PCDHA4: variants seen among roughly 807,000 people sequenced by gnomAD.
PCDHA4 encodes protocadherin alpha-4.
In PCDHA4, 49 loss-of-function variants were observed where a neutral mutation model predicts 61.4. That is an observed-to-expected ratio of 0.80 (90% confidence interval 0.63 to 1.01). The LOEUF (loss-of-function observed/expected upper bound fraction) is 1.01. Among genes scored for constraint, PCDHA4 ranks in the 50% least tolerant of loss-of-function variants. The pLI, the probability that PCDHA4 is intolerant of heterozygous loss-of-function variation, is 0.00. For synonymous variants in PCDHA4, 590 were observed against 550.3 expected (o/e 1.07, Z -1.01); for missense variants, 1,254 against 1,235.8 (o/e 1.01, Z -0.22).
intron 1 of PCDHA4, chr5:140,868,781 A>G (rs868977486): frequency 3.0e-5 from 9 of 299,116 alleles, no homozygotes; most frequent in African/African-American, 1.5e-4. Flanking sequence ...ATGACTTATA[A>G]TCTGAATATT....
At chr5:140,858,079 C>T in intron 1 of PCDHA4, 5 of 1,597,852 alleles carry the variant, frequency 3.1e-6, no homozygotes, top group Non-Finnish European at 4.3e-6. Context: ...CACCCAAGGC[C>T]TCGTCGCGGG....
At chr5:140,923,826 T>C (rs2081533545) in intron 1 of PCDHA4, among the ~76,000 whole-genome samples, 1 of 152,218 alleles carries the variant, frequency 6.6e-6, no homozygotes, top group African/African-American at 2.4e-5. Context: ...TAGACGTCAG[T>C]GGCAGTTTAA....
intron 3 of PCDHA4, among the ~76,000 whole-genome samples, chr5:141,007,567 CA>C (rs1489201842): frequency 6.6e-6 from 1 of 151,954 alleles, no homozygotes; most frequent in Non-Finnish European, 1.5e-5. Flanking sequence ...GGCTCTATCT[CA>C]AATTTAAAAA....
At chr5:141,000,430 T>A (rs1295455270) in intron 3 of PCDHA4, among the ~76,000 whole-genome samples, 2 of 126,420 alleles carry the variant, frequency 1.6e-5, no homozygotes, top group African/African-American at 6.1e-5. Context: ...TATTTTTTTT[T>A]TTTTTTTTTT....
chr5:140,917,327 G>C (rs1219338384), intron 1 of PCDHA4, among the ~76,000 whole-genome samples: 1 of 149,420 alleles, frequency 6.7e-6, no homozygotes, highest in African/African-American at 2.5e-5. Flanking sequence ...CATGTGGCGG[G>C]GGAGGGGGGG....
intron 1 of PCDHA4, chr5:140,817,742 C>T (rs2150098917): frequency 5.3e-5 from 8 of 152,172 alleles, no homozygotes; most frequent in Non-Finnish European, 7.3e-5. Context: ...TTTCTGGGAT[C>T]ATTTTCCTTC....
chr5:140,857,337 G>T, intron 1 of PCDHA4: 1 of 1,598,496 alleles, frequency 6.3e-7, no homozygotes, highest in South Asian at 1.1e-5. Context: ...CGGGACGGGG[G>T]CTCGCCTCCG....
intron 1 of PCDHA4, among the ~76,000 whole-genome samples, chr5:140,943,548 G>A (rs1280986902): frequency 6.6e-6 from 1 of 152,152 alleles, no homozygotes; most frequent in African/African-American, 2.4e-5. Context: ...GTAAATAGAC[G>A]TAGACAATAA....
At chr5:140,914,962 T>C (rs1301307235) in intron 1 of PCDHA4, among the ~76,000 whole-genome samples, 2 of 136,964 alleles carry the variant, frequency 1.5e-5, no homozygotes, top group Non-Finnish European at 3.2e-5. Flanking sequence ...TTTTTTTTTT[T>C]CTGAGTCAGA....
chr5:140,999,403 A>G (rs1325467300), intron 3 of PCDHA4, among the ~76,000 whole-genome samples: 7 of 152,176 alleles, frequency 4.6e-5, no homozygotes, highest in African/African-American at 1.7e-4. Context: ...TTTGCATATG[A>G]AAGAATGGGA....
intron 1 of PCDHA4, chr5:140,851,516 T>A: frequency 1.1e-6 from 1 of 906,322 alleles, no homozygotes; most frequent in African/African-American, 1.8e-5. Context: ...AAATATGTTT[T>A]AAAATGCCTG....
rs782154101 is a variant in PCDHA4, at chr5:140,809,372, G to C, written c.2185G>C (p.Glu729Gln). The change falls in exon 1 of 4, where the codon GAG becomes CAG. Residue 729 changes from glutamate (E) to glutamine (Q), a missense_variant. Coordinates refer to ENST00000530339, the MANE Select transcript of PCDHA4 (RefSeq NM_018907.4). ...GCTGCGGTGCTCTGCGCTGCCCACCGAGGGCGCGTGCGCTCCGGGCAAGCC... is the reference window on the plus strand; with the variant it reads ...GCTGCGGTGCTCTGCGCTGCCCACCCAGGGCGCGTGCGCTCCGGGCAAGCC... The part of the protein sequence containing the change: ...TALRCSALPT[E>Q]GACAPGKPTL... 5.0e-6 allele frequency: 8 copies of C among 1,614,010 alleles called. No individual in the cohort carries two copies. The East Asian group carries it at 6.7e-5, about 13-fold the overall frequency.
intron 1 of PCDHA4, chr5:140,829,756 G>T (rs1251312679): frequency 1.9e-5 from 31 of 1,613,620 alleles, no homozygotes; most frequent in Non-Finnish European, 2.5e-5. Context: ...AGGTGTTCGT[G>T]CTGGACGAGA....
intron 1 of PCDHA4, among the ~76,000 whole-genome samples, chr5:140,904,286 T>A (rs2071021710): frequency 6.6e-6 from 1 of 152,150 alleles, no homozygotes; most frequent in South Asian, 2.1e-4. Context: ...ATGTGGTGTT[T>A]GGTTTTCCAT....
chr5:140,949,892 C>G (rs2094430270), intron 1 of PCDHA4, among the ~76,000 whole-genome samples: 1 of 151,674 alleles, frequency 6.6e-6, no homozygotes, highest in African/African-American at 2.4e-5. Context: ...TCCTCAGAAT[C>G]TCTTTTAATT....
At chr5:140,954,947 T>G (rs2153704420) in intron 1 of PCDHA4, among the ~76,000 whole-genome samples, 1 of 152,360 alleles carries the variant, frequency 6.6e-6, no homozygotes, top group South Asian at 2.1e-4. Flanking sequence ...AGTTAATTTT[T>G]GTATAAGATG....
chr5:140,848,542 T>G (rs2150412544), intron 1 of PCDHA4: 1 of 1,595,366 alleles, frequency 6.3e-7, no homozygotes, highest in Non-Finnish European at 8.6e-7. Context: ...CCTCTACTGC[T>G]CTCGCTTCTG....
intron 1 of PCDHA4, among the ~76,000 whole-genome samples, chr5:140,909,201 C>G (rs1379290108): frequency 6.6e-6 from 1 of 152,136 alleles, no homozygotes; most frequent in Non-Finnish European, 1.5e-5. Flanking sequence ...GACACAAAGC[C>G]GGAGAGTTGA....
intron 1 of PCDHA4, among the ~76,000 whole-genome samples, chr5:140,895,744 G>T (rs534394379): frequency 6.6e-6 from 1 of 152,182 alleles, no homozygotes; most frequent in Admixed American, 6.5e-5. Flanking sequence ...GCTGCAAAGG[G>T]CATGATCTTT....
Sources: allele counts gnomAD v4.1 joint callset (sites outside exome capture counted in the v4.1 genomes callset), GRCh38; gene constraint gnomAD v4.1.1; transcripts MANE v1.5; gene names NCBI Gene and HGNC (gene_info 2026-07-23, HGNC 2026-07-21).